Variants in DHTKD1 observed in about 807,000 individuals in gnomAD.
DHTKD1 encodes the protein dehydrogenase E1 and transketolase domain containing 1, also known as 2-oxoadipate dehydrogenase complex component E1.
DHTKD1 carries 78 observed loss-of-function variants against 101.8 expected under a neutral mutation model. That is an observed-to-expected ratio of 0.77 (90% CI 0.64 to 0.93). DHTKD1 has a LOEUF of 0.93. Ranked by LOEUF, DHTKD1 falls within the 40% of genes least tolerant of loss-of-function variation. The probability of loss-of-function intolerance (pLI) is 0.00; values close to 1 mark genes in which losing one functional copy is unlikely to be tolerated. For synonymous variants in DHTKD1, 462 were observed against 450.3 expected (o/e 1.03, Z -0.33); for missense variants, 1,223 against 1,161.7 (o/e 1.05, Z -0.77).
chr10:12,093,860 A>G (rs1252582074), intron 6 of DHTKD1, among the ~76,000 whole-genome samples: 1 of 152,186 alleles, frequency 6.6e-6, no homozygotes, highest in Non-Finnish European at 1.5e-5. Context: ...CGATTTATAG[A>G]TAAGTAGGTT....
intron 1 of DHTKD1, among the ~76,000 whole-genome samples, chr10:12,079,015 T>C (rs1302882064): frequency 6.6e-6 from 1 of 151,912 alleles, no homozygotes; most frequent in African/African-American, 2.4e-5. Flanking sequence ...TAATCATGAG[T>C]TGGGGGGAGA....
At chr10:12,069,947 T>TG (rs897412388) in intron 1 of DHTKD1, among the ~76,000 whole-genome samples, 27 of 151,912 alleles carry the variant, frequency 1.8e-4, no homozygotes, top group South Asian at 6.2e-4. Flanking sequence ...TGTGAGCAGG[T>TG]GGGGGGGTCC....
chr10:12,121,104 C>T lies in DHTKD1; in HGVS notation c.*216C>T, dbSNP rs2131631377. On this transcript the variant is annotated 3_prime_UTR_variant, in exon 17 of 17. Transcript: ENST00000263035. ...GTGTGGTGGTGGGCACCTGTGATCCCAGCTTCCTGGGAGGCTGAGGCAAGA... is the reference window on the plus strand; with the variant it reads ...GTGTGGTGGTGGGCACCTGTGATCCTAGCTTCCTGGGAGGCTGAGGCAAGA... 1 of 418,608 alleles carries T rather than the reference C, an allele frequency of 2.4e-6. No homozygotes were observed. The highest frequency in any genetic ancestry group is 2.1e-5 in the South Asian group (1 of 48,238). The allele number at this position is 418,608 out of a possible 1,614,324, so 25.9% of individuals were successfully genotyped here.
chr10:12,119,610 C>T (rs1429929842), intron 15 of DHTKD1, among the ~76,000 whole-genome samples: 8 of 110,992 alleles, frequency 7.2e-5, no homozygotes, highest in East Asian at 2.4e-4. Context: ...AGCGAGACTC[C>T]GTCTCAAAAA....
At position 12,087,626 on chromosome 10, in the gene DHTKD1, T is replaced by G. The variant is rs996258907; in HGVS notation, c.614T>G (p.Leu205Arg). The change falls in exon 4 of 17, where the codon CTG becomes CGG. Residue 205 changes from leucine to arginine, a missense_variant. By Grantham distance (102) the Leu-to-Arg change is moderately radical. Coordinates refer to ENST00000263035, the MANE Select transcript of DHTKD1 (RefSeq NM_018706.7). This position sits in a 1 kb window ranked among gnomAD's most constrained non-coding sequence, Gnocchi z 5.2. ...AGCATGATGGGCTTTTTCCACGAGC[T>G]GCTGAAAATGTCGGCCTACAGCGGG... ...AESMMGFFHE[L>R]LKMSAYSGIT... The G allele has an allele frequency of 2.0e-5, 33 of 1,613,996 alleles. No homozygotes were observed. Among genetic ancestry groups the G allele is most frequent in the African/African-American group, 2.7e-5 (2 of 74,932 alleles).
intron 16 of DHTKD1, chr10:12,120,499 A>G (rs1342362663): frequency 3.9e-6 from 2 of 510,346 alleles, no homozygotes; most frequent in African/African-American, 3.9e-5. Flanking sequence ...ACACCCAGCT[A>G]AATTTTTTTT....
intron 3 of DHTKD1, among the ~76,000 whole-genome samples, chr10:12,086,302 CCT>C (rs1324823188): frequency 6.7e-6 from 1 of 148,768 alleles, no homozygotes; most frequent in Non-Finnish European, 1.5e-5. Context: ...CTCACTGTAA[CCT>C]CTGCCTCCCA....
In DHTKD1 at chr10:12,084,682, G is replaced by T. The variant is rs1177154487; in HGVS notation, c.453G>T (p.Glu151Asp). The T allele has an allele frequency of 6.2e-7, 1 of 1,614,134 alleles. No individual in the cohort carries two copies. Among genetic ancestry groups the T allele is most frequent in the Non-Finnish European group, 8.5e-7 (1 of 1,180,036 alleles). The part of the protein sequence containing the change: ...DEKDWFAKRF[E>D]ELQKETFTTE... ...AAGACTGGTTTGCCAAGCGGTTTGA[G>T]GAACTGCAAAAGGAGACGTTTACCA... The change falls in exon 3 of 17, where the codon GAG becomes GAT. Residue 151 changes from glutamate to aspartate, a missense_variant. Physicochemically the swap from Glu to Asp is conservative, Grantham distance 45. Transcript: ENST00000263035.
intron 1 of DHTKD1, among the ~76,000 whole-genome samples, chr10:12,080,558 A>C (rs1479680977): frequency 6.6e-6 from 1 of 151,446 alleles, no homozygotes; most frequent in Non-Finnish European, 1.5e-5. Context: ...AAAAATACAA[A>C]ACATTAGCCG....
rs533814051 is a variant in DHTKD1 at position 12,085,917 on chromosome 10, T to TA, written c.522+1173dup. 2.5e-3 allele frequency among the ~76,000 whole-genome samples: 387 copies of TA among 152,098 alleles called. 2 individuals carry two copies. Among genetic ancestry groups the TA allele is most frequent in the Non-Finnish European group, 4.5e-3 (303 of 67,982 alleles). ...CAGAGCAAGACTCTGTCCAAAAAAA[T>TA]AAAAAAACATAGTTCTTAAGGTTTT... On this transcript the variant is annotated intron_variant, in intron 3 of 16. Transcript: ENST00000263035.
rs528085286 is a variant in DHTKD1, at chr10:12,082,546, T to C, written c.310+919T>C. 2.0e-5 allele frequency among the ~76,000 whole-genome samples: 3 copies of C among 152,166 alleles called. No homozygotes were observed. The South Asian group carries it at 6.2e-4, about 32-fold the overall frequency. On this transcript the variant is annotated intron_variant, in intron 2 of 16. Transcript: ENST00000263035. ...GTAATGGCATTTAAACCCTCAATGA[T>C]CATTTTAGTGTCTCTTAGGGTTCGG... is the stretch of plus-strand genomic sequence containing the variant.
intron 10 of DHTKD1, among the ~76,000 whole-genome samples, chr10:12,104,871 A>AT (rs1337038349): frequency 9.0e-5 from 13 of 145,046 alleles, no homozygotes; most frequent in Admixed American, 3.5e-4. Context: ...AAGATCAACA[A>AT]TTTTTTTTTC....
In DHTKD1 at chr10:12,118,859, T is replaced by A. The variant is rs763404137; in HGVS notation, c.2513T>A (p.Leu838His). Residue 838 changes from leucine (L) to histidine (H), a missense_variant, in exon 15 of 17, where the codon CTC (leucine) becomes CAC (histidine). Coordinates refer to ENST00000263035, the MANE Select transcript of DHTKD1 (RefSeq NM_018706.7). ...TTTGCCATCATCCGAGTAGAGGAAC[T>A]CTGCCCCTTCCCGTTGGATTCTTTA... Reference protein sequence around the residue: ...HDFAIIRVEELCPFPLDSLQQ... With the variant: ...HDFAIIRVEEHCPFPLDSLQQ... 2 of 1,608,468 alleles carry A rather than the reference T, an allele frequency of 1.2e-6. No individual in the cohort carries two copies. The highest frequency in any genetic ancestry group is 1.7e-6 in the Non-Finnish European group (2 of 1,177,728).
chr10:12,081,657 C>T (rs754265170), intron 2 of DHTKD1, 30 bp downstream of exon 2: 72 of 1,612,958 alleles, frequency 4.5e-5, no homozygotes, highest in South Asian at 1.1e-4. Flanking sequence ...GGCGGGAGCT[C>T]GGAGCTGCAC....
At chr10:12,112,498 G>A (rs557501230) in intron 12 of DHTKD1, among the ~76,000 whole-genome samples, 12 of 33,110 alleles carry the variant, frequency 3.6e-4, no homozygotes, top group East Asian at 9.7e-4. Context: ...TAAAGCACGC[G>A]TGCACACACA....
intron 1 of DHTKD1, among the ~76,000 whole-genome samples, chr10:12,077,787 A>T (rs1428607862): frequency 6.6e-6 from 1 of 151,160 alleles, no homozygotes; most frequent in African/African-American, 2.4e-5. Context: ...GGGACAGCCA[A>T]GTTCTGATTA....
At chr10:12,106,190 C>T in intron 10 of DHTKD1, 56 bp from the exon 11 acceptor site, 1 of 1,595,924 alleles carries the variant, frequency 6.3e-7, no homozygotes, top group East Asian at 2.2e-5. Context: ...TCGCAGGAGC[C>T]CAGTGCTCTG....
chr10:12,083,059 C>G (rs1267275284), intron 2 of DHTKD1, among the ~76,000 whole-genome samples: 1 of 151,580 alleles, frequency 6.6e-6, no homozygotes, highest in Non-Finnish European at 1.5e-5. Flanking sequence ...AAAAAAGGAG[C>G]ATCTAATAGC....
chr10:12,118,205 C>A (rs1230831581), intron 14 of DHTKD1, among the ~76,000 whole-genome samples: 2 of 151,526 alleles, frequency 1.3e-5, no homozygotes, highest in South Asian at 2.1e-4. Context: ...TATCCTAAGT[C>A]CTTTAAGTCA....
Sources: gnomAD v4.1 joint callset for allele counts (sites outside exome capture counted in the v4.1 genomes callset) on GRCh38, gnomAD v4.1.1 for gene constraint, Gnocchi (gnomAD v3.1) non-coding constraint, MANE v1.5 for transcripts, NCBI Gene and HGNC (gene_info 2026-07-23, HGNC 2026-07-21) for gene names.